The following SHC4 variants were observed in gnomAD, a reference collection of about 807,000 sequenced individuals.
SHC4 encodes SHC adaptor protein 4.
A neutral mutation model predicts 69.4 loss-of-function variants in SHC4; 41 were observed. The ratio of observed to expected loss-of-function variants is 0.59; its 90% CI spans 0.46 to 0.77. The LOEUF (loss-of-function observed/expected upper bound fraction) is 0.77. SHC4 is among the 30% of genes least tolerant of loss of function. SHC4 has a pLI of 0.00. For synonymous variants in SHC4, 318 were observed against 299.3 expected (o/e 1.06, Z -0.64); for missense variants, 777 against 783.8 (o/e 0.99, Z 0.10).
chr15:48,835,113 T>A, intron 10 of SHC4, 91 bp from the exon 11 acceptor site: 1 of 1,435,946 alleles, frequency 7.0e-7, no homozygotes, highest in Non-Finnish European at 9.3e-7. Flanking sequence ...TAACCTGAGG[T>A]CCTACTGTGT....
intron 1 of SHC4, among the ~76,000 whole-genome samples, chr15:48,959,005 A>T (rs1297777706): frequency 6.6e-6 from 1 of 152,232 alleles, no homozygotes; most frequent in African/African-American, 2.4e-5. Flanking sequence ...GGTGGTCAGG[A>T]TTCATAAAGT....
At chr15:48,878,399 C>T (rs1218006394) in intron 4 of SHC4, 7 of 1,612,148 alleles carry the variant, frequency 4.3e-6, no homozygotes, top group Non-Finnish European at 4.2e-6. Flanking sequence ...GAAACGGAGC[C>T]TTGCTAACGG....
chr15:48,838,286 T>G (rs1898933288), intron 10 of SHC4, among the ~76,000 whole-genome samples: 1 of 152,172 alleles, frequency 6.6e-6, no homozygotes, highest in African/African-American at 2.4e-5. Context: ...TGATTGAAAA[T>G]TTTTGTTGCT....
rs552352206 is a variant in SHC4 at position 48,881,488 on chromosome 15, T to C, written c.840+2760A>G. Among the ~76,000 whole-genome samples, 91 of 152,310 alleles carry C rather than the reference T, an allele frequency of 6.0e-4. No homozygotes were observed. In the Middle Eastern group the frequency reaches 0.017, roughly 28 times the overall value. On this transcript the variant is annotated intron_variant, in intron 4 of 11. Transcript: ENST00000332408. ...GCCAGGTAGCACTTGACATTTATCATTGGGCCTGCACCATTGTTTTTTCTT... is the reference window on the plus strand; with the variant it reads ...GCCAGGTAGCACTTGACATTTATCACTGGGCCTGCACCATTGTTTTTTCTT...
chr15:48,959,110 G>T (rs538884410), intron 1 of SHC4, among the ~76,000 whole-genome samples: 1 of 152,082 alleles, frequency 6.6e-6, no homozygotes, highest in Non-Finnish European at 1.5e-5. Flanking sequence ...CTAGCTTAGC[G>T]CAGATGAAAA....
intron 6 of SHC4, among the ~76,000 whole-genome samples, chr15:48,861,831 G>T (rs1899449587): frequency 2.0e-5 from 3 of 152,004 alleles, no homozygotes; most frequent in Non-Finnish European, 2.9e-5. Context: ...TTTTTTATTT[G>T]GTTATTGAAT....
intron 10 of SHC4, among the ~76,000 whole-genome samples, chr15:48,840,777 A>T (rs543292410): frequency 6.6e-6 from 1 of 152,152 alleles, no homozygotes; most frequent in East Asian, 1.9e-4. Context: ...GGAGGGAGCA[A>T]TGTTGAATTT....
intron 10 of SHC4, among the ~76,000 whole-genome samples, chr15:48,839,456 G>A (rs1898954240): frequency 2.0e-5 from 3 of 152,076 alleles, no homozygotes; most frequent in Non-Finnish European, 2.9e-5. Context: ...GAACAACCCA[G>A]ATGGCATCAT....
intron 1 of SHC4, among the ~76,000 whole-genome samples, chr15:48,952,841 T>C (rs1002822796): frequency 6.6e-6 from 1 of 152,188 alleles, no homozygotes; most frequent in African/African-American, 2.4e-5. Context: ...GTTCAACCAT[T>C]GTGGAAGATA....
intron 2 of SHC4, among the ~76,000 whole-genome samples, chr15:48,917,974 A>G (rs1214401380): frequency 6.6e-6 from 1 of 152,190 alleles, no homozygotes; most frequent in Non-Finnish European, 1.5e-5. Context: ...TTTGGAATCT[A>G]AAGATGGTGA....
intron 3 of SHC4, among the ~76,000 whole-genome samples, chr15:48,885,356 A>G (rs530997284): frequency 2.0e-4 from 31 of 152,236 alleles, no homozygotes; most frequent in Non-Finnish European, 3.7e-4. Flanking sequence ...GCCACCTCAT[A>G]AGGGCTGTTG....
At chr15:48,840,965 C>T (rs1005546029) in intron 10 of SHC4, among the ~76,000 whole-genome samples, 5 of 152,168 alleles carry the variant, frequency 3.3e-5, no homozygotes, top group African/African-American at 4.8e-5. Flanking sequence ...TTTGACATTA[C>T]AATTTTGGAC....
intron 1 of SHC4, among the ~76,000 whole-genome samples, chr15:48,952,421 G>A (rs1470613947): frequency 6.6e-6 from 1 of 152,080 alleles, no homozygotes; most frequent in Non-Finnish European, 1.5e-5. Context: ...GAAGTTACTA[G>A]TAAGAGTAGG....
At chr15:48,892,612 C>T (rs550726660) in intron 2 of SHC4, among the ~76,000 whole-genome samples, 1 of 152,048 alleles carries the variant, frequency 6.6e-6, no homozygotes, top group Admixed American at 6.5e-5. Flanking sequence ...GTCCAGGCAC[C>T]CCACTCTATT....
At position 48,890,772 on chromosome 15, in the gene SHC4, T is replaced by G. The variant is rs765838442; in HGVS notation, c.696A>C (p.Ala232=). The change falls in exon 3 of 12, where the codon GCA becomes GCC. Residue 232 remains alanine (A), a synonymous_variant. Coordinates refer to ENST00000332408, the MANE Select transcript of SHC4 (RefSeq NM_203349.4). ...CCTTTCGCTTTTTAATGGCTCCATT[T>G]GCCCCGGGGACAGCTTCACACAGGC... ...ISRLCEAVPG[A]NGAIKKRKPP... is the part of the protein sequence containing the mutation. 2 of 1,614,224 alleles carry G rather than the reference T, an allele frequency of 1.2e-6. No homozygotes were observed. The highest frequency in any genetic ancestry group is 1.7e-6 in the Non-Finnish European group (2 of 1,180,038).
Position 48,920,038 on chromosome 15 carries a change from G to A in SHC4, c.656+4841C>T, listed in dbSNP as rs530923440. Among the ~76,000 whole-genome samples the A allele has an allele frequency of 2.8e-3, 417 of 148,522 alleles. 4 individuals are homozygous for A. The highest frequency in any genetic ancestry group is 5.0e-3 in the Non-Finnish European group (333 of 67,260). ...TTGTTTTTTTTTTTTTTTCTGAGAC[G>A]GAGTCTTGCTCTGTCACCCAGGCTG... On this transcript the variant is annotated intron_variant, in intron 2 of 11. Coordinates refer to ENST00000332408, the MANE Select transcript of SHC4 (RefSeq NM_203349.4).
chr15:48,851,121 C>T, intron 9 of SHC4, 67 bp downstream of exon 9: 1 of 1,489,222 alleles, frequency 6.7e-7, no homozygotes, highest in Admixed American at 1.8e-5. Flanking sequence ...AGAGCAAGGG[C>T]CACATATGTC....
intron 2 of SHC4, among the ~76,000 whole-genome samples, chr15:48,894,827 C>T (rs951702643): frequency 5.9e-5 from 9 of 151,910 alleles, no homozygotes; most frequent in African/African-American, 2.2e-4. Flanking sequence ...CACTCTGTTG[C>T]CAGGTTGGAG....
intron 10 of SHC4, among the ~76,000 whole-genome samples, chr15:48,838,867 A>T (rs1898944061): frequency 6.6e-6 from 1 of 152,156 alleles, no homozygotes; most frequent in South Asian, 2.1e-4. Flanking sequence ...ACCTCACATA[A>T]TCTATAAAGG....
Sources: allele counts gnomAD v4.1 joint callset (sites outside exome capture counted in the v4.1 genomes callset), GRCh38; gene constraint gnomAD v4.1.1; transcripts MANE v1.5; gene names NCBI Gene and HGNC (gene_info 2026-07-23, HGNC 2026-07-21).